The following TANC2 variants were observed in gnomAD, a reference collection of about 807,000 sequenced individuals.
TANC2 encodes the protein tetratricopeptide repeat, ankyrin repeat and coiled-coil containing 2, also known as protein TANC2.
In TANC2, 26 loss-of-function variants were observed where a neutral mutation model predicts 210.5. The ratio of observed to expected loss-of-function variants is 0.12; its 90% confidence interval spans 0.09 to 0.17. The LOEUF is 0.17. Ranked by LOEUF, TANC2 falls within the 10% of genes least tolerant of loss-of-function variation. TANC2 has a pLI of 1.00. For missense variants in TANC2, 2,129 were observed against 2,608.9 expected, an observed-to-expected ratio of 0.82 and a Z score of 4.01; for synonymous variants, 931 against 967.1, an observed-to-expected ratio of 0.96 and a Z score of 0.69.
intron 3 of TANC2, chr17:63,088,238 A>G (rs1274230006): frequency 6.6e-6 from 1 of 152,170 alleles, no homozygotes; most frequent in Non-Finnish European, 1.5e-5. Context: ...ATATAGTCAT[A>G]AGGTTTCTTT....
At chr17:63,380,450 TACTG>T (rs2047569807) in intron 15 of TANC2, among the ~76,000 whole-genome samples, 1 of 152,250 alleles carries the variant, frequency 6.6e-6, no homozygotes, top group South Asian at 2.1e-4. Flanking sequence ...ATTCATCACT[TACTG>T]AGGCATTAAA....
At chr17:63,113,938 G>C (rs2038152492) in intron 4 of TANC2, among the ~76,000 whole-genome samples, 1 of 152,090 alleles carries the variant, frequency 6.6e-6, no homozygotes. Context: ...CCCATTTCTG[G>C]TTAATGTTCA....
chr17:63,089,845 G>C (rs961730326), intron 3 of TANC2, among the ~76,000 whole-genome samples: 3 of 150,784 alleles, frequency 2.0e-5, no homozygotes, highest in African/African-American at 7.3e-5. Flanking sequence ...TATTTTAAAA[G>C]TGTACTTTGG....
At chr17:63,128,628 T>A (rs1199422733) in intron 4 of TANC2, among the ~76,000 whole-genome samples, 1 of 152,220 alleles carries the variant, frequency 6.6e-6, no homozygotes, top group Non-Finnish European at 1.5e-5. Context: ...TGTACCAACT[T>A]TTTCTTTGCT....
At chr17:63,265,018 A>G (rs767161037) in intron 8 of TANC2, among the ~76,000 whole-genome samples, 5 of 152,300 alleles carry the variant, frequency 3.3e-5, no homozygotes, top group East Asian at 1.9e-4. Context: ...TATATTTACC[A>G]TACTCTAAAT....
chr17:63,260,522 G>A (rs371107821), intron 8 of TANC2, among the ~76,000 whole-genome samples: 1 of 152,178 alleles, frequency 6.6e-6, no homozygotes, highest in East Asian at 1.9e-4. Flanking sequence ...GATGGCCCAC[G>A]CCTGTAGTCC....
chr17:63,245,983 C>T (rs1405019024), intron 8 of TANC2, among the ~76,000 whole-genome samples: 1 of 150,662 alleles, frequency 6.6e-6, no homozygotes, highest in Non-Finnish European at 1.5e-5. Flanking sequence ...GCACTCCAGC[C>T]TGGGATACAG....
At chr17:63,220,849 C>G (rs2920442) in intron 7 of TANC2, among the ~76,000 whole-genome samples, 2 of 149,792 alleles carry the variant, frequency 1.3e-5, no homozygotes, top group Non-Finnish European at 1.5e-5. Context: ...TGTGTATATA[C>G]GTATATACGT....
At chr17:62,967,177 G>A (rs1454453910) in intron 1 of TANC2, 2 of 152,256 alleles carry the variant, frequency 1.3e-5, no homozygotes, top group Non-Finnish European at 2.9e-5. Context: ...CATGGTCGAA[G>A]TGTTATTAGC....
At chr17:63,191,883 G>A (rs1246181870) in intron 5 of TANC2, among the ~76,000 whole-genome samples, 1 of 152,174 alleles carries the variant, frequency 6.6e-6, no homozygotes, top group African/African-American at 2.4e-5. Flanking sequence ...GAAAGGAAGT[G>A]CCTCTACTGT....
intron 5 of TANC2, among the ~76,000 whole-genome samples, chr17:63,168,851 G>T (rs2040302878): frequency 6.6e-6 from 1 of 152,304 alleles, no homozygotes; most frequent in Admixed American, 6.5e-5. Flanking sequence ...CAAAGGATTT[G>T]CAGACTTCTC....
At chr17:63,401,052 G>A (rs1429795301) in intron 19 of TANC2, among the ~76,000 whole-genome samples, 1 of 152,148 alleles carries the variant, frequency 6.6e-6, no homozygotes, top group Non-Finnish European at 1.5e-5. Flanking sequence ...CTCATCACTA[G>A]TATAGAATGG....
intron 2 of TANC2, among the ~76,000 whole-genome samples, chr17:63,043,805 T>A (rs77781234): frequency 0.028 from 4,297 of 152,208 alleles, 79 homozygotes; most frequent in South Asian, 0.037. Flanking sequence ...CATCATCAGC[T>A]AATGCAGATG....
intron 6 of TANC2, among the ~76,000 whole-genome samples, chr17:63,200,175 G>C (rs1383562414): frequency 1.3e-5 from 2 of 151,946 alleles, no homozygotes; most frequent in East Asian, 3.9e-4. Flanking sequence ...GGCCAACATG[G>C]TGAAACCCCA....
chr17:63,175,506 G>A (rs1026916169), intron 5 of TANC2, among the ~76,000 whole-genome samples: 7 of 143,762 alleles, frequency 4.9e-5, no homozygotes, highest in South Asian at 2.2e-4. Flanking sequence ...TTACCTGGGC[G>A]ACGGAGTGAG....
At chr17:63,047,504 T>C (rs572446782) in intron 2 of TANC2, among the ~76,000 whole-genome samples, 1 of 152,214 alleles carries the variant, frequency 6.6e-6, no homozygotes, top group Non-Finnish European at 1.5e-5. Flanking sequence ...ATGAATTCAT[T>C]GAGATGGGGA....
chr17:63,023,485 A>T (rs1412439839), intron 2 of TANC2, among the ~76,000 whole-genome samples: 1 of 152,202 alleles, frequency 6.6e-6, no homozygotes, highest in African/African-American at 2.4e-5. Context: ...AGACTACAGG[A>T]ATATGCCATT....
intron 14 of TANC2, among the ~76,000 whole-genome samples, chr17:63,358,368 AGAG>A (rs1340058716): frequency 2.2e-5 from 3 of 136,440 alleles, no homozygotes; most frequent in African/African-American, 8.8e-5. Flanking sequence ...AGAGAGAGAG[AGAG>A]AGAGAGTATG....
At position 63,141,287 on chromosome 17, in the gene TANC2, A is replaced by T. The variant is rs1216816485; in HGVS notation, c.323-9983A>T. ...CTGGGTGTGGTGGCTCATGCCTGTA[A>T]TCCCAGCACTTTGGGAGGCCAGTGT... is the stretch of plus-strand genomic sequence containing the variant. On this transcript the variant is annotated intron_variant, in intron 4 of 27. Transcript: ENST00000689528. Among the ~76,000 whole-genome samples, 3 of 144,648 alleles carry T rather than the reference A, an allele frequency of 2.1e-5. No individual in the cohort carries two copies. In the Admixed American group the frequency reaches 2.2e-4, roughly 10 times the overall value. 94.9% of individuals were successfully genotyped at this position (144,648 alleles called of 152,430 possible).
Sources: allele counts gnomAD v4.1 joint callset (sites outside exome capture counted in the v4.1 genomes callset), GRCh38; gene constraint gnomAD v4.1.1; transcripts MANE v1.5; gene names NCBI Gene and HGNC (gene_info 2026-07-23, HGNC 2026-07-21).